ROBO2: variants seen among roughly 807,000 people sequenced by gnomAD.
ROBO2 encodes roundabout guidance receptor 2.
In ROBO2, 53 loss-of-function variants were observed where a neutral mutation model predicts 160.8. That is an observed-to-expected ratio of 0.33 (90% CI 0.26 to 0.41). The LOEUF (loss-of-function observed/expected upper bound fraction) is 0.41. Ranked by LOEUF, ROBO2 falls within the 10% of genes least tolerant of loss-of-function variation. The pLI is 1.00. For synonymous variants in ROBO2, 664 were observed against 611.7 expected (o/e 1.09, Z -1.26); for missense variants, 1,577 against 1,722.4 (o/e 0.92, Z 1.49).
At chr3:76,936,349 A>G (rs1276644565) in intron 2 of ROBO2, among the ~76,000 whole-genome samples, 1 of 152,206 alleles carries the variant, frequency 6.6e-6, no homozygotes, top group South Asian at 2.1e-4. Flanking sequence ...TGGTTTATTT[A>G]TTGTATATAA....
chr3:77,027,626 A>G (rs982405228), intron 2 of ROBO2, among the ~76,000 whole-genome samples: 1 of 152,212 alleles, frequency 6.6e-6, no homozygotes, highest in African/African-American at 2.4e-5. Context: ...TTATGTCAGT[A>G]TGGTACTTTA....
At chr3:76,448,524 G>A (rs1315268849) in intron 2 of ROBO2, among the ~76,000 whole-genome samples, 1 of 152,108 alleles carries the variant, frequency 6.6e-6, no homozygotes, top group East Asian at 1.9e-4. Flanking sequence ...CTGATCAACA[G>A]CAGGTTGTTA....
intron 2 of ROBO2, among the ~76,000 whole-genome samples, chr3:76,551,767 T>C (rs1456396315): frequency 1.3e-5 from 2 of 152,098 alleles, no homozygotes; most frequent in African/African-American, 4.8e-5. Flanking sequence ...GTACATCAGA[T>C]CCAACTGCAG....
chr3:76,044,871 G>T (rs2067399514), intron 2 of ROBO2, among the ~76,000 whole-genome samples: 1 of 152,020 alleles, frequency 6.6e-6, no homozygotes, highest in Admixed American at 6.5e-5. Flanking sequence ...GGACCTAAAA[G>T]ATTACAGTGA....
At chr3:77,359,202 T>C (rs543477409) in intron 2 of ROBO2, among the ~76,000 whole-genome samples, 2 of 152,318 alleles carry the variant, frequency 1.3e-5, no homozygotes, top group Non-Finnish European at 2.9e-5. Context: ...ACACGTTCAC[T>C]GAACTGCAAA....
chr3:77,375,974 C>T (rs913405805), intron 2 of ROBO2, among the ~76,000 whole-genome samples: 2 of 148,442 alleles, frequency 1.3e-5, no homozygotes, highest in African/African-American at 5.1e-5. Context: ...AGATCCCTTT[C>T]TCAAGTAGGT....
At chr3:76,101,666 G>T (rs573367760) in intron 2 of ROBO2, among the ~76,000 whole-genome samples, 52 of 151,396 alleles carry the variant, frequency 3.4e-4, no homozygotes, top group Non-Finnish European at 5.2e-4. Context: ...TCATTTACAT[G>T]AGGTATATCT....
intron 2 of ROBO2, among the ~76,000 whole-genome samples, chr3:76,997,111 A>G (rs115628709): frequency 6.6e-6 from 1 of 152,274 alleles, no homozygotes; most frequent in African/African-American, 2.4e-5. Flanking sequence ...ATGCTACTCC[A>G]TATTTTACAG....
chr3:77,143,174 C>CT lies in ROBO2; in HGVS notation c.388+44864dup, dbSNP rs10546673. On this transcript the variant is annotated intron_variant, in intron 2 of 25. Transcript: ENST00000461745. ...CAGACACCATTTTCTTAAACAGCAG[C>CT]TTTTTTTTTTTTTTTTTTTTTTTTT... Among the ~76,000 whole-genome samples, 498 of 59,722 alleles carry CT rather than the reference C, an allele frequency of 8.3e-3. 65 individuals carry two copies. Among genetic ancestry groups the CT allele is most frequent in the African/African-American group, 0.013 (202 of 15,680 alleles). The allele number at this position is 59,722 out of a possible 152,430, so 39.2% of individuals were successfully genotyped here. A position where few individuals can be genotyped will look rare whatever the true frequency, so the allele number is the denominator to read the frequency against.
chr3:77,496,714 T>G (rs963822955), intron 5 of ROBO2, among the ~76,000 whole-genome samples: 1 of 152,136 alleles, frequency 6.6e-6, no homozygotes, highest in Non-Finnish European at 1.5e-5. Context: ...ATGTGACTAT[T>G]TTTCTTTTGG....
At chr3:76,082,580 A>G (rs1436524839) in intron 2 of ROBO2, among the ~76,000 whole-genome samples, 1 of 152,134 alleles carries the variant, frequency 6.6e-6, no homozygotes, top group Non-Finnish European at 1.5e-5. Context: ...CCAGTAAGAG[A>G]GGAGGGAGTG....
intron 2 of ROBO2, among the ~76,000 whole-genome samples, chr3:77,196,321 C>A (rs2082303183): frequency 8.0e-6 from 1 of 125,312 alleles, no homozygotes. Flanking sequence ...TGAGAAATAC[C>A]CTGCTTTTTT....
At chr3:77,560,873 C>T (rs1388254747) in intron 9 of ROBO2, among the ~76,000 whole-genome samples, 2 of 152,120 alleles carry the variant, frequency 1.3e-5, no homozygotes, top group Non-Finnish European at 2.9e-5. Context: ...TTCTTTTACT[C>T]TTTCACAGAC....
chr3:77,434,089 T>A (rs1337724707), intron 2 of ROBO2, among the ~76,000 whole-genome samples: 1 of 152,124 alleles, frequency 6.6e-6, no homozygotes, highest in African/African-American at 2.4e-5. Flanking sequence ...TTTTACTTTT[T>A]GGAAAAAGTC....
intron 2 of ROBO2, among the ~76,000 whole-genome samples, chr3:77,221,867 T>A (rs1394872255): frequency 6.7e-6 from 1 of 150,330 alleles, no homozygotes; most frequent in Non-Finnish European, 1.5e-5. Context: ...TTTTTTTTTT[T>A]TTTTGAGACA....
intron 2 of ROBO2, among the ~76,000 whole-genome samples, chr3:76,035,552 G>A (rs949731749): frequency 2.0e-5 from 3 of 151,966 alleles, no homozygotes; most frequent in Non-Finnish European, 2.9e-5. Context: ...CCAGCAGACT[G>A]TTTAAGAGCC....
chr3:77,091,050 C>T (rs1464167050), intron 1 of ROBO2, among the ~76,000 whole-genome samples: 3 of 152,300 alleles, frequency 2.0e-5, no homozygotes, highest in Admixed American at 6.5e-5. Flanking sequence ...AGAATTTCTT[C>T]GGCCCTCAGA....
intron 2 of ROBO2, among the ~76,000 whole-genome samples, chr3:76,003,777 A>G (rs1414340477): frequency 1.3e-5 from 2 of 152,222 alleles, no homozygotes; most frequent in African/African-American, 2.4e-5. Context: ...GCTAGAACTA[A>G]TCCCTCACGG....
At chr3:77,117,011 C>G (rs2074274373) in intron 2 of ROBO2, among the ~76,000 whole-genome samples, 1 of 152,074 alleles carries the variant, frequency 6.6e-6, no homozygotes, top group African/African-American at 2.4e-5. Context: ...AGATTTTGTT[C>G]AGATTTAATA....
Sources: allele counts gnomAD v4.1 joint callset (sites outside exome capture counted in the v4.1 genomes callset), GRCh38; gene constraint gnomAD v4.1.1; transcripts MANE v1.5; gene names NCBI Gene and HGNC (gene_info 2026-07-23, HGNC 2026-07-21).